Variants in PALD1 observed in about 807,000 individuals in gnomAD.
The protein encoded by PALD1 is paladin.
PALD1 carries 57 observed loss-of-function variants against 96.0 expected under a neutral mutation model. The observed-to-expected ratio is 0.59, with a 90% CI of 0.48 to 0.74. PALD1 has a LOEUF of 0.74. PALD1 is among the 30% of genes least tolerant of loss of function. The pLI, the probability that PALD1 is intolerant of heterozygous loss-of-function variation, is 0.00. For synonymous variants in PALD1, 464 were observed against 473.6 expected, an observed-to-expected ratio of 0.98 and a Z score of 0.26; for missense variants, 1,063 against 1,143.7, an observed-to-expected ratio of 0.93 and a Z score of 1.02.
intron 2 of PALD1, among the ~76,000 whole-genome samples, chr10:70,527,937 C>T (rs1018585157): frequency 6.6e-6 from 1 of 152,026 alleles, no homozygotes; most frequent in African/African-American, 2.4e-5. Context: ...CCCGTCCCCC[C>T]ACCCCACAAC....
chr10:70,566,548 GA>G (rs1400080032), intron 19 of PALD1, 32 bp from the exon 20 acceptor site: 1 of 1,569,830 alleles, frequency 6.4e-7, no homozygotes, highest in South Asian at 1.2e-5. Flanking sequence ...TCCCTCCCCT[GA>G]AACACTGCTC....
intron 1 of PALD1, among the ~76,000 whole-genome samples, chr10:70,489,217 G>C (rs1442936071): frequency 6.6e-6 from 1 of 152,128 alleles, no homozygotes; most frequent in African/African-American, 2.4e-5. Context: ...GGAAGGGGCT[G>C]CCTGGGCTCA....
intron 18 of PALD1, among the ~76,000 whole-genome samples, chr10:70,549,532 G>A (rs977975244): frequency 1.8e-4 from 27 of 152,388 alleles, no homozygotes; most frequent in Admixed American, 1.6e-3. Flanking sequence ...AGACAGGAGG[G>A]CTCCCCCAGA....
At chr10:70,500,670 A>G (rs1478323951) in intron 1 of PALD1, among the ~76,000 whole-genome samples, 3 of 152,102 alleles carry the variant, frequency 2.0e-5, no homozygotes, top group Non-Finnish European at 4.4e-5. Context: ...GTATAATGGG[A>G]AAGGTGCTGG....
chr10:70,533,121 A>G (rs373369413), intron 7 of PALD1, 51 bp downstream of exon 7: 36 of 1,460,480 alleles, frequency 2.5e-5, no homozygotes, highest in Non-Finnish European at 3.4e-5. Flanking sequence ...AGTCGTCCCC[A>G]TGGAGGTGCT....
intron 18 of PALD1, among the ~76,000 whole-genome samples, chr10:70,553,411 T>G (rs986300677): frequency 6.6e-6 from 1 of 152,124 alleles, no homozygotes; most frequent in Non-Finnish European, 1.5e-5. Context: ...TCTGGGTGAC[T>G]GGAGTGAGAG....
At chr10:70,556,647 A>C (rs753105268) in intron 18 of PALD1, among the ~76,000 whole-genome samples, 1 of 151,844 alleles carries the variant, frequency 6.6e-6, no homozygotes, top group Non-Finnish European at 1.5e-5. Context: ...CTTCCTTCCC[A>C]TTGTAGGGCA....
At chr10:70,492,769 G>A (rs1846122312) in intron 1 of PALD1, among the ~76,000 whole-genome samples, 1 of 152,088 alleles carries the variant, frequency 6.6e-6, no homozygotes. Context: ...CTTATGATAT[G>A]TATAATTTAT....
intron 18 of PALD1, among the ~76,000 whole-genome samples, chr10:70,554,442 A>G (rs559788255): frequency 1.4e-3 from 210 of 147,354 alleles, no homozygotes; most frequent in African/African-American, 4.9e-3. Context: ...ACAAACAAAT[A>G]AACAAACAAA....
At chr10:70,549,962 G>T (rs1847447747) in intron 18 of PALD1, among the ~76,000 whole-genome samples, 1 of 152,222 alleles carries the variant, frequency 6.6e-6, no homozygotes, top group Non-Finnish European at 1.5e-5. Context: ...GACCTCTGCA[G>T]TGGGAGGACA....
At chr10:70,552,113 A>C (rs1847492969) in intron 18 of PALD1, among the ~76,000 whole-genome samples, 1 of 152,200 alleles carries the variant, frequency 6.6e-6, no homozygotes, top group Non-Finnish European at 1.5e-5. Flanking sequence ...CTGGGCGGAC[A>C]CTGAGTAGGG....
chr10:70,465,785 G>A, the PALD1 span, among the ~76,000 whole-genome samples: 67 of 152,162 alleles, frequency 4.4e-4, no homozygotes, highest in Non-Finnish European at 7.6e-4. Flanking sequence ...GTTGGATTAG[G>A]CTGGTCCCTC....
chr10:70,563,814 C>T (rs887515017), intron 18 of PALD1, among the ~76,000 whole-genome samples: 8 of 152,318 alleles, frequency 5.3e-5, no homozygotes, highest in African/African-American at 1.9e-4. Flanking sequence ...TGCGTCCACA[C>T]GGCAGAGCCT....
At position 70,564,481 on chromosome 10, in the gene PALD1, G is replaced by T. The variant is rs752665417; in HGVS notation, c.2380G>T (p.Asp794Tyr). ...FNAYLHLEKA[D>Y]SWQRPFSTWM... ...CGCGTACCTCCACCTGGAGAAGGCCGACTCCTGGCAGAGGCCCTTCAGCAC... is the reference window on the plus strand; with the variant it reads ...CGCGTACCTCCACCTGGAGAAGGCCTACTCCTGGCAGAGGCCCTTCAGCAC... The change falls in exon 19 of 20, where the codon GAC (aspartate) becomes TAC (tyrosine). Residue 794 changes from aspartate to tyrosine, a missense_variant. By Grantham distance (160) the Asp-to-Tyr change is radical. Transcript: ENST00000263563. 9 of 1,614,122 alleles carry T rather than the reference G, an allele frequency of 5.6e-6. No homozygotes were observed. The South Asian group carries it at 7.7e-5, about 14-fold the overall frequency.
intron 18 of PALD1, among the ~76,000 whole-genome samples, chr10:70,556,635 C>G (rs1847617833): frequency 6.6e-6 from 1 of 152,174 alleles, no homozygotes; most frequent in African/African-American, 2.4e-5. Flanking sequence ...CCGCTCATCT[C>G]TCTTCCTTCC....
At chr10:70,486,585 A>T (rs532600265) in intron 1 of PALD1, among the ~76,000 whole-genome samples, 358 of 152,030 alleles carry the variant, frequency 2.4e-3, no homozygotes, top group African/African-American at 8.3e-3. Context: ...ACATGGTGAA[A>T]CCCCATCTCT....
chr10:70,510,778 T>C (rs1185898905), intron 1 of PALD1, among the ~76,000 whole-genome samples: 1 of 152,212 alleles, frequency 6.6e-6, no homozygotes, highest in Non-Finnish European at 1.5e-5. Flanking sequence ...TTTGGAGCAG[T>C]AGAGGCCAGG....
chr10:70,537,824 G>T lies in PALD1; in HGVS notation c.1241G>T (p.Arg414Leu). ...PESPAQGSGS[R>L]HSVWQRALWS... ...CCTCTCTCTCAGGGAAGCGGCAGCCGACACAGCGTCTGGCAGAGGGCGCTG... is the reference window on the plus strand; with the variant it reads ...CCTCTCTCTCAGGGAAGCGGCAGCCTACACAGCGTCTGGCAGAGGGCGCTG... Residue 414 changes from arginine to leucine, a missense_variant, in exon 11 of 20, where the codon CGA becomes CTA. Coordinates refer to ENST00000263563, the MANE Select transcript of PALD1 (RefSeq NM_014431.3). 6.2e-7 allele frequency: 1 copy of T among 1,612,548 alleles called. No homozygotes were observed. The highest frequency in any genetic ancestry group is 1.1e-5 in the South Asian group (1 of 91,016).
intron 6 of PALD1, 90 bp from the exon 7 acceptor site, chr10:70,532,905 G>A: frequency 6.6e-7 from 1 of 1,504,934 alleles, no homozygotes. Context: ...CCACAGTGGG[G>A]CCCATTTCCA....
Sources: allele counts gnomAD v4.1 joint callset (sites outside exome capture counted in the v4.1 genomes callset), GRCh38; gene constraint gnomAD v4.1.1; transcripts MANE v1.5; gene names NCBI Gene and HGNC (gene_info 2026-07-23, HGNC 2026-07-21).